Variants in FLYWCH1 observed in about 807,000 individuals in gnomAD.
FLYWCH1 encodes FLYWCH-type zinc finger 1.
FLYWCH1 carries 75 observed loss-of-function variants against 66.4 expected under a neutral mutation model. That is an observed-to-expected ratio of 1.13 (90% CI 0.94 to 1.37). FLYWCH1 has a LOEUF of 1.37. FLYWCH1 is among the 40% of genes most tolerant of loss of function. The probability of loss-of-function intolerance (pLI) is 0.00; values close to 1 mark genes in which losing one functional copy is unlikely to be tolerated. For synonymous variants in FLYWCH1, 595 were observed against 429.9 expected (o/e 1.38, Z -4.75); for missense variants, 1,334 against 1,001.8 (o/e 1.33, Z -4.48).
At chr16:2,933,657 T>C in intron 5 of FLYWCH1, 59 bp from the exon 6 acceptor site, 1 of 1,565,618 alleles carries the variant, frequency 6.4e-7, no homozygotes, top group South Asian at 1.2e-5. Flanking sequence ...GGGAAGGGGG[T>C]GCGATCAGGC....
intron 2 of FLYWCH1, among the ~76,000 whole-genome samples, chr16:2,916,188 A>T (rs183359305): frequency 2.6e-4 from 40 of 152,224 alleles, no homozygotes; most frequent in Admixed American, 1.8e-3. Context: ...CTCTACTAAA[A>T]ACAAAAGTTA....
chr16:2,937,986 C>T (rs1403261542), intron 7 of FLYWCH1, among the ~76,000 whole-genome samples, 198 bp from the exon 8 acceptor site: 1 of 152,140 alleles, frequency 6.6e-6, no homozygotes, highest in Non-Finnish European at 1.5e-5. Context: ...CCAGTCATCC[C>T]CAGAGCCCTT....
intron 2 of FLYWCH1, among the ~76,000 whole-genome samples, chr16:2,927,380 A>C (rs911450675): frequency 6.6e-6 from 1 of 152,210 alleles, no homozygotes; most frequent in Admixed American, 6.5e-5. Context: ...CTAATGCTAG[A>C]TATGAACGCT....
intron 9 of FLYWCH1, among the ~76,000 whole-genome samples, chr16:2,940,368 G>T (rs1442701614): frequency 6.6e-6 from 1 of 152,234 alleles, no homozygotes; most frequent in Admixed American, 6.5e-5. Flanking sequence ...GACAGAGAGA[G>T]AACAAGAGGG....
In FLYWCH1 at chr16:2,923,034, ATCT is replaced by A. The variant is rs1386131101; in HGVS notation, c.-73-6577_-73-6575del. The A allele has an allele frequency of 6.9e-6, 3 of 436,132 alleles. No individual in the cohort carries two copies. In the Admixed American group the frequency reaches 9.0e-5, roughly 13 times the overall value. The allele number at this position is 436,132 out of a possible 1,614,324, so 27.0% of individuals were successfully genotyped here. A position where few individuals can be genotyped will look rare whatever the true frequency, so the allele number is the denominator to read the frequency against. ...TTTTTTTGGGGGGGCTGTTGTGTGG[ATCT>A]TTTTTTGTGTGTGTGTGGCTGTTGT... On this transcript the variant is annotated intron_variant, in intron 2 of 9. Transcript: ENST00000253928.
chr16:2,939,471 A>G (rs2071167945), intron 8 of FLYWCH1, among the ~76,000 whole-genome samples: 2 of 151,856 alleles, frequency 1.3e-5, no homozygotes, highest in Admixed American at 1.3e-4. Flanking sequence ...AAAGAGAAGA[A>G]AAGAAAACAG....
chr16:2,943,221 G>C (rs1184582776), intron 9 of FLYWCH1: 2 of 152,098 alleles, frequency 1.3e-5, no homozygotes, highest in African/African-American at 4.8e-5. Flanking sequence ...GCTCAGGCAG[G>C]CTTCCCTGGT....
chr16:2,937,061 A>T (rs2071035053), intron 6 of FLYWCH1, 60 bp from the exon 7 acceptor site: 1 of 1,252,888 alleles, frequency 8.0e-7, no homozygotes, highest in African/African-American at 2.3e-5. Flanking sequence ...TCTCGGGGCC[A>T]TGCTGATCTG....
chr16:2,916,219 C>T (rs999934107), intron 2 of FLYWCH1, among the ~76,000 whole-genome samples: 7 of 152,128 alleles, frequency 4.6e-5, no homozygotes, highest in Non-Finnish European at 1.0e-4. Flanking sequence ...TTGGTGCGTG[C>T]CTGTAATCCT....
intron 8 of FLYWCH1, chr16:2,939,714 T>C (rs1442421476): frequency 1.4e-5 from 4 of 285,568 alleles, no homozygotes; most frequent in Admixed American, 5.0e-5. Context: ...AGAAATTTTT[T>C]TGAGAAAAGG....
intron 6 of FLYWCH1, 171 bp from the exon 7 acceptor site, chr16:2,936,950 G>T: frequency 1.1e-6 from 1 of 880,190 alleles, no homozygotes. Flanking sequence ...GACCCCAGCA[G>T]CTGGAGCCCC....
intron 2 of FLYWCH1, among the ~76,000 whole-genome samples, chr16:2,917,742 G>C (rs1265168873): frequency 6.6e-6 from 1 of 152,106 alleles, no homozygotes; most frequent in Non-Finnish European, 1.5e-5. Context: ...TCAGTATCAG[G>C]AGGATTTGTG....
chr16:2,925,581 A>AG (rs71394755), intron 2 of FLYWCH1, among the ~76,000 whole-genome samples: 37,665 of 83,320 alleles, frequency 0.45, 8,713 homozygotes, highest in African/African-American at 0.65. Flanking sequence ...TTGCGGGGGG[A>AG]GGGGGGTACG....
intron 9 of FLYWCH1, among the ~76,000 whole-genome samples, chr16:2,945,725 C>T (rs183840958): frequency 9.9e-5 from 15 of 151,534 alleles, no homozygotes; most frequent in Admixed American, 2.0e-4. Context: ...AGGCCGGGTG[C>T]GGTGGCTCAT....
chr16:2,930,147 G>T (rs1025889602), intron 3 of FLYWCH1, 137 bp downstream of exon 3: 3 of 807,938 alleles, frequency 3.7e-6, no homozygotes, highest in Non-Finnish European at 3.9e-6. Context: ...TCCTGAGCGT[G>T]TCCGAGGCTG....
At chr16:2,934,036 G>A in intron 6 of FLYWCH1, 57 bp downstream of exon 6, 6 of 1,456,774 alleles carry the variant, frequency 4.1e-6, no homozygotes, top group South Asian at 1.4e-5. Flanking sequence ...GCCCCACACT[G>A]CCTTTCCCTC....
chr16:2,941,159 A>G (rs1278648874), intron 9 of FLYWCH1, among the ~76,000 whole-genome samples: 1 of 152,122 alleles, frequency 6.6e-6, no homozygotes, highest in Non-Finnish European at 1.5e-5. Flanking sequence ...CTTATAAGAA[A>G]CCAGTGAGTC....
chr16:2,917,179 A>T (rs887350526), intron 2 of FLYWCH1, among the ~76,000 whole-genome samples: 28 of 151,500 alleles, frequency 1.8e-4, no homozygotes, highest in Non-Finnish European at 3.2e-4. Flanking sequence ...AGTAAAAAAA[A>T]TTTTTAAAAA....
chr16:2,939,539 T>TGGCCAACATGGGGAAACCTG (rs2071172561), intron 8 of FLYWCH1, among the ~76,000 whole-genome samples: 1 of 82,612 alleles, frequency 1.2e-5, no homozygotes, highest in Non-Finnish European at 2.8e-5. Context: ...GGTGAAACCC[T>TGGCCAACATGGGGAAACCTG]GTCTCTAAAA....
Sources: gnomAD v4.1 joint callset for allele counts (sites outside exome capture counted in the v4.1 genomes callset) on GRCh38, gnomAD v4.1.1 for gene constraint, MANE v1.5 for transcripts, NCBI Gene and HGNC (gene_info 2026-07-23, HGNC 2026-07-21) for gene names.